Variants in POC1B observed in about 807,000 individuals in gnomAD.
POC1B encodes POC1 centriolar protein B.
A neutral mutation model predicts 60.6 loss-of-function variants in POC1B; 44 were observed. That is an observed-to-expected ratio of 0.73 (90% confidence interval 0.57 to 0.93). The LOEUF (loss-of-function observed/expected upper bound fraction) is 0.93, where lower values mean the gene tolerates loss of function less well. Among genes scored for constraint, POC1B ranks in the 40% least tolerant of loss-of-function variants. The probability of loss-of-function intolerance (pLI) is 0.00; values close to 1 mark genes in which losing one functional copy is unlikely to be tolerated. For missense variants in POC1B, 555 were observed against 572.3 expected, an observed-to-expected ratio of 0.97 and a Z score of 0.31; for synonymous variants, 180 against 198.9, an observed-to-expected ratio of 0.90 and a Z score of 0.80.
At chr12:89,444,118 T>A (rs891605765) in intron 10 of POC1B, among the ~76,000 whole-genome samples, 1 of 152,072 alleles carries the variant, frequency 6.6e-6, no homozygotes, top group Non-Finnish European at 1.5e-5. Flanking sequence ...ATTAAGAGCC[T>A]ACCAACCAAA....
chr12:89,406,485 C>T, the POC1B span, among the ~76,000 whole-genome samples: 2 of 152,086 alleles, frequency 1.3e-5, no homozygotes, highest in African/African-American at 4.8e-5. Flanking sequence ...TGAAATAAAA[C>T]TTAAACTAAA....
intron 10 of POC1B, among the ~76,000 whole-genome samples, chr12:89,431,526 CT>C (rs573513855): frequency 1.4e-4 from 22 of 152,180 alleles, no homozygotes; most frequent in Admixed American, 7.2e-4. Context: ...CAAAAAAAGC[CT>C]TTTGCCTTGG....
At chr12:89,470,866 T>A (rs925161629) in intron 6 of POC1B, among the ~76,000 whole-genome samples, 2 of 152,194 alleles carry the variant, frequency 1.3e-5, no homozygotes, top group Non-Finnish European at 2.9e-5. Context: ...GAGAAAAGTG[T>A]GGAGACAGTT....
intron 2 of POC1B, among the ~76,000 whole-genome samples, chr12:89,510,324 T>G (rs1255880411): frequency 6.6e-6 from 1 of 152,206 alleles, no homozygotes; most frequent in Non-Finnish European, 1.5e-5. Context: ...CTTTCTGGTG[T>G]CTCAACTCAA....
intron 2 of POC1B, chr12:89,524,649 T>G: frequency 7.9e-7 from 1 of 1,273,568 alleles, no homozygotes; most frequent in Non-Finnish European, 1.1e-6. Flanking sequence ...TCCCAGCAGG[T>G]TCTTCCTTTC....
chr12:89,450,951 AT>A (rs1179666556), intron 10 of POC1B, among the ~76,000 whole-genome samples: 3 of 152,214 alleles, frequency 2.0e-5, no homozygotes, highest in African/African-American at 7.2e-5. Context: ...AAGTCTGTAA[AT>A]GCTAAAAGGG....
intron 11 of POC1B, among the ~76,000 whole-genome samples, chr12:89,423,648 A>T (rs1880636736): frequency 6.6e-6 from 1 of 152,188 alleles, no homozygotes; most frequent in Admixed American, 6.5e-5. Context: ...AGTAAATCAG[A>T]ACACATTTAT....
chr12:89,431,588 C>T (rs1441837875), intron 10 of POC1B, among the ~76,000 whole-genome samples: 1 of 152,116 alleles, frequency 6.6e-6, no homozygotes, highest in Non-Finnish European at 1.5e-5. Flanking sequence ...CATTTATTTT[C>T]AATGATAAAA....
At chr12:89,444,480 T>C (rs1881677826) in intron 10 of POC1B, among the ~76,000 whole-genome samples, 1 of 152,122 alleles carries the variant, frequency 6.6e-6, no homozygotes, top group Non-Finnish European at 1.5e-5. Flanking sequence ...TAATCCAGCA[T>C]ATAAACAGAA....
chr12:89,480,250 C>T (rs1883271500), intron 4 of POC1B, among the ~76,000 whole-genome samples: 1 of 151,898 alleles, frequency 6.6e-6, no homozygotes, highest in African/African-American at 2.4e-5. Flanking sequence ...GATCCTCCCA[C>T]CTTAACCTCC....
intron 10 of POC1B, among the ~76,000 whole-genome samples, chr12:89,455,267 G>A (rs1882207246): frequency 6.6e-6 from 1 of 152,162 alleles, no homozygotes; most frequent in African/African-American, 2.4e-5. Context: ...CCCAGGAACT[G>A]GAGGCTGCAG....
At chr12:89,465,474 A>C (rs1426279217) in intron 9 of POC1B, among the ~76,000 whole-genome samples, 1 of 152,200 alleles carries the variant, frequency 6.6e-6, no homozygotes, top group Non-Finnish European at 1.5e-5. Flanking sequence ...GAATAAAAAT[A>C]CCAAGAGTTA....
At chr12:89,468,448 C>T (rs1485760140) in intron 7 of POC1B, among the ~76,000 whole-genome samples, 1 of 152,046 alleles carries the variant, frequency 6.6e-6, no homozygotes, top group Non-Finnish European at 1.5e-5. Context: ...TTAATATGTC[C>T]TTAATCTGTA....
chr12:89,472,069 T>C, intron 5 of POC1B, 99 bp downstream of exon 5: 1 of 862,972 alleles, frequency 1.2e-6, no homozygotes, highest in East Asian at 2.6e-5. Flanking sequence ...CACCCGGCCA[T>C]ATTTCAATTT....
Position 89,420,461 on chromosome 12 carries a change from T to C in POC1B, c.*692A>G, listed in dbSNP as rs1051865929. On this transcript the variant is annotated 3_prime_UTR_variant, in exon 12 of 12. Transcript: ENST00000313546. ...CCAAATCATTCATCTAGCACATTCATCTGTGATAGAAAGATAGGTGAGTTT... is the reference window on the plus strand; with the variant it reads ...CCAAATCATTCATCTAGCACATTCACCTGTGATAGAAAGATAGGTGAGTTT... 6 of 152,218 alleles carry C rather than the reference T, an allele frequency of 3.9e-5. No individual in the cohort carries two copies. Among genetic ancestry groups the C allele is most frequent in the Non-Finnish European group, 8.8e-5 (6 of 68,040 alleles). The allele number at this position is 152,218 out of a possible 1,614,324, so 9.4% of individuals were successfully genotyped here.
chr12:89,473,865 G>GA (rs1173650199), intron 4 of POC1B, among the ~76,000 whole-genome samples: 1 of 151,740 alleles, frequency 6.6e-6, no homozygotes, highest in East Asian at 1.9e-4. Context: ...AGAACCTGGG[G>GA]AAAAAAACCT....
chr12:89,496,984 CAAAAAGAAGACATAAT>C, intron 3 of POC1B, 171 bp downstream of exon 3: 1 of 628,156 alleles, frequency 1.6e-6, no homozygotes, highest in Non-Finnish European at 2.7e-6. Context: ...AAATAGTTTT[CAAAAAGAAGACATAAT>C]TTTGAGGAAA....
chr12:89,425,313 G>T lies in POC1B; in HGVS notation c.1180C>A (p.Pro394Thr). 1 of 1,614,086 alleles carries T rather than the reference G, an allele frequency of 6.2e-7. No individual in the cohort carries two copies. The highest frequency in any genetic ancestry group is 8.5e-7 in the Non-Finnish European group (1 of 1,180,014). Residue 394 changes from proline (P) to threonine (T), a missense_variant, in exon 11 of 12, where the codon CCT (proline) becomes ACT (threonine). Physicochemically the swap from Pro to Thr is conservative, Grantham distance 38. Transcript: ENST00000313546. ...AAACATTCTGGTGACATTAAGGAAGGGTTCAAGAAATATCCACAGGCCTCT... is the reference window on the plus strand; with the variant it reads ...AAACATTCTGGTGACATTAAGGAAGTGTTCAAGAAATATCCACAGGCCTCT... ...GEEACGYFLN[P>T]SLMSPECLPT...
At chr12:89,459,769 C>G (rs768454779) in intron 9 of POC1B, 51 bp from the exon 10 acceptor site, 23 of 1,058,660 alleles carry the variant, frequency 2.2e-5, no homozygotes, top group Middle Eastern at 2.7e-4. Flanking sequence ...CATAAGAAAC[C>G]AAATACTATT....
Sources: allele counts gnomAD v4.1 joint callset (sites outside exome capture counted in the v4.1 genomes callset), GRCh38; gene constraint gnomAD v4.1.1; transcripts MANE v1.5; gene names NCBI Gene and HGNC (gene_info 2026-07-23, HGNC 2026-07-21).